CORIN: variants seen among roughly 807,000 people sequenced by gnomAD.
CORIN encodes atrial natriuretic peptide-converting enzyme.
In CORIN, 117 loss-of-function variants were observed where a neutral mutation model predicts 125.3. That is an observed-to-expected ratio of 0.93 (90% CI 0.80 to 1.09). The LOEUF is 1.09. Ranked by LOEUF, CORIN falls within the 50% of genes least tolerant of loss-of-function variation. The pLI is 0.00. For synonymous variants in CORIN, 450 were observed against 466.4 expected (o/e 0.96, Z 0.45); for missense variants, 1,253 against 1,306.7 (o/e 0.96, Z 0.63).
chr4:47,808,845 C>T (rs1731922859), intron 1 of CORIN, among the ~76,000 whole-genome samples: 1 of 152,152 alleles, frequency 6.6e-6, no homozygotes, highest in Non-Finnish European at 1.5e-5. Flanking sequence ...TTATTGAATA[C>T]CTACTAATTA....
Position 47,595,821 on chromosome 4 carries a change from C to T in CORIN, c.3029G>A (p.Cys1010Tyr), listed in dbSNP as rs367841216. The change falls in exon 22 of 22, where the codon TGC becomes TAC. Residue 1010 changes from cysteine (C) to tyrosine (Y), a missense_variant. Coordinates refer to ENST00000273857, the MANE Select transcript of CORIN (RefSeq NM_006587.4). Reference sequence around the variant, plus strand: ...GCCAGGCCCCAGGACTTTGGAAAAGCAGACGGAGCCCCATGAAGTTAATCC... The same window carrying T: ...GCCAGGCCCCAGGACTTTGGAAAAGTAGACGGAGCCCCATGAAGTTAATCC... The part of the protein sequence containing the change: ...LFGLTSWGSV[C>Y]FSKVLGPGVY... The T allele has an allele frequency of 6.8e-6, 11 of 1,613,696 alleles. No homozygotes were observed. The highest frequency in any genetic ancestry group is 6.7e-5 in the African/African-American group (5 of 74,876).
chr4:47,735,810 C>T (rs1319877369), intron 5 of CORIN, among the ~76,000 whole-genome samples: 1 of 152,004 alleles, frequency 6.6e-6, no homozygotes, highest in Non-Finnish European at 1.5e-5. Flanking sequence ...GTCCCAGCTA[C>T]TCCGGAGGCT....
At chr4:47,639,500 A>G (rs1723156967) in intron 16 of CORIN, among the ~76,000 whole-genome samples, 1 of 152,202 alleles carries the variant, frequency 6.6e-6, no homozygotes, top group African/African-American at 2.4e-5. Flanking sequence ...GGGAATGCTG[A>G]ATGGAATTAG....
intron 19 of CORIN, among the ~76,000 whole-genome samples, chr4:47,606,482 C>A (rs909782877): frequency 6.6e-6 from 1 of 152,168 alleles, no homozygotes; most frequent in Admixed American, 6.5e-5. Flanking sequence ...TGGTCTTGAA[C>A]TCCTGAGCTC....
At chr4:47,611,816 T>A (rs1721882358) in intron 19 of CORIN, among the ~76,000 whole-genome samples, 1 of 152,218 alleles carries the variant, frequency 6.6e-6, no homozygotes, top group African/African-American at 2.4e-5. Context: ...GATGTTGAAT[T>A]TTATCAAAGG....
intron 6 of CORIN, among the ~76,000 whole-genome samples, chr4:47,687,860 T>C (rs4271984): frequency 6.6e-6 from 1 of 151,958 alleles, no homozygotes; most frequent in Non-Finnish European, 1.5e-5. Context: ...GCTTCTTGAC[T>C]CTCTGAGTTC....
intron 5 of CORIN, chr4:47,706,890 G>A: frequency 6.3e-7 from 1 of 1,599,398 alleles, no homozygotes; most frequent in East Asian, 2.2e-5. Context: ...AAGAGCCGTG[G>A]CCTTGGAAAG....
chr4:47,689,758 G>A (rs1303853329), intron 6 of CORIN, among the ~76,000 whole-genome samples: 1 of 152,110 alleles, frequency 6.6e-6, no homozygotes, highest in East Asian at 1.9e-4. Context: ...TTCTAGCCCG[G>A]TGCTTCCAAG....
chr4:47,694,837 A>G (rs1191937098), intron 5 of CORIN, among the ~76,000 whole-genome samples: 1 of 152,122 alleles, frequency 6.6e-6, no homozygotes, highest in East Asian at 1.9e-4. Flanking sequence ...ATAGAACAAT[A>G]TATTGCCATA....
intron 5 of CORIN, among the ~76,000 whole-genome samples, chr4:47,734,966 C>T (rs975426798): frequency 6.6e-6 from 1 of 152,068 alleles, no homozygotes. Context: ...TTATGGTCAT[C>T]ATAATTACTT....
At chr4:47,605,448 C>T (rs745391693) in intron 19 of CORIN, among the ~76,000 whole-genome samples, 36 of 152,264 alleles carry the variant, frequency 2.4e-4, no homozygotes, top group Admixed American at 3.9e-4. Context: ...TCCATCCCTT[C>T]CTTCACTCCC....
chr4:47,810,358 A>G (rs1189935204), intron 1 of CORIN, among the ~76,000 whole-genome samples: 2 of 151,812 alleles, frequency 1.3e-5, no homozygotes, highest in African/African-American at 4.8e-5. Flanking sequence ...CGCCCAGCTA[A>G]TTTTTTTGTA....
chr4:47,618,117 T>C (rs932385398), intron 19 of CORIN, among the ~76,000 whole-genome samples: 5 of 148,946 alleles, frequency 3.4e-5, no homozygotes, highest in Admixed American at 2.0e-4. Flanking sequence ...GGTGGATCAC[T>C]TGAGGTCAGG....
At chr4:47,643,115 G>A in intron 15 of CORIN, 31 bp downstream of exon 15, 1 of 1,613,928 alleles carries the variant, frequency 6.2e-7, no homozygotes, top group Non-Finnish European at 8.5e-7. Flanking sequence ...GCATGAGAGA[G>A]TACAACAGAT....
At chr4:47,640,137 G>T (rs975812600) in intron 16 of CORIN, among the ~76,000 whole-genome samples, 3 of 151,992 alleles carry the variant, frequency 2.0e-5, no homozygotes, top group Non-Finnish European at 4.4e-5. Flanking sequence ...TATATCTAAA[G>T]ATATCTAAAA....
At chr4:47,823,507 A>G (rs569346254) in intron 1 of CORIN, among the ~76,000 whole-genome samples, 2 of 152,332 alleles carry the variant, frequency 1.3e-5, no homozygotes, top group Admixed American at 6.5e-5. Flanking sequence ...AAAGAGCTAT[A>G]TGGAAAAATG....
At chr4:47,622,320 G>T (rs1447933741) in intron 19 of CORIN, among the ~76,000 whole-genome samples, 1 of 150,270 alleles carries the variant, frequency 6.7e-6, no homozygotes, top group Non-Finnish European at 1.5e-5. Flanking sequence ...ACGTGTGCAT[G>T]TGTCTTTATA....
chr4:47,805,135 CAA>C (rs755747242), intron 2 of CORIN, among the ~76,000 whole-genome samples: 39 of 129,418 alleles, frequency 3.0e-4, no homozygotes, highest in African/African-American at 9.4e-4. Flanking sequence ...GACTCCATCT[CAA>C]AAAAAAAAAA....
At chr4:47,605,310 T>C (rs1386151399) in intron 19 of CORIN, among the ~76,000 whole-genome samples, 1 of 152,198 alleles carries the variant, frequency 6.6e-6, no homozygotes, top group African/African-American at 2.4e-5. Flanking sequence ...CTGGTCTTTT[T>C]CACTGCTTTA....
Sources: gnomAD v4.1 joint callset for allele counts (sites outside exome capture counted in the v4.1 genomes callset) on GRCh38, gnomAD v4.1.1 for gene constraint, MANE v1.5 for transcripts, NCBI Gene and HGNC (gene_info 2026-07-23, HGNC 2026-07-21) for gene names.